FRMPD4: variants seen among roughly 807,000 people sequenced by gnomAD.
FRMPD4 encodes the protein FERM and PDZ domain containing 4, also known as FERM and PDZ domain-containing protein 4.
A neutral mutation model predicts 94.1 loss-of-function variants in FRMPD4; 22 were observed. That is an observed-to-expected ratio of 0.23 (90% CI 0.17 to 0.33). FRMPD4 has a LOEUF of 0.33. Among genes scored for constraint, FRMPD4 ranks in the 10% least tolerant of loss-of-function variants. The pLI, the probability that FRMPD4 is intolerant of heterozygous loss-of-function variation, is 1.00. For missense variants in FRMPD4, 1,111 were observed against 1,339.9 expected (o/e 0.83, Z 2.67); for synonymous variants, 631 against 548.6 (o/e 1.15, Z -2.10).
At chrX:12,113,763 G>A (rs1212296236) in intron 3 of FRMPD4, among the ~76,000 whole-genome samples, 1 of 112,017 alleles carries the variant, frequency 8.9e-6, no homozygotes, top group African/African-American at 3.2e-5. Context: ...GCAGAAGGGG[G>A]CATTATTCTG....
chrX:12,502,713 G>C (rs1490247224), intron 2 of FRMPD4, among the ~76,000 whole-genome samples: 3 of 111,928 alleles, frequency 2.7e-5, no homozygotes, highest in Admixed American at 1.9e-4. Flanking sequence ...AGACATTGAC[G>C]TAAGTATTAA....
intron 4 of FRMPD4, among the ~76,000 whole-genome samples, chrX:12,653,733 TAA>T (rs35537156): frequency 2.7e-4 from 25 of 93,432 alleles, no homozygotes; most frequent in East Asian, 9.8e-4. Flanking sequence ...TATGACTTAC[TAA>T]AAAAAAAAAA....
intron 1 of FRMPD4, among the ~76,000 whole-genome samples, chrX:12,485,179 G>A (rs1467676356): frequency 8.9e-6 from 1 of 112,534 alleles, no homozygotes; most frequent in East Asian, 2.8e-4. Context: ...CCTTTGTGAA[G>A]GAAGTAGTAC....
chrX:12,537,904 A>G (rs2058358620), intron 2 of FRMPD4, among the ~76,000 whole-genome samples: 2 of 111,623 alleles, frequency 1.8e-5, no homozygotes, highest in African/African-American at 6.5e-5. Context: ...CCGAATAGGA[A>G]CAGGTCCAGC....
At chrX:11,898,589 A>G (rs1051716961) in intron 3 of FRMPD4, among the ~76,000 whole-genome samples, 1 of 111,922 alleles carries the variant, frequency 8.9e-6, no homozygotes, top group Non-Finnish European at 1.9e-5. Flanking sequence ...AATTAGTTTG[A>G]TTTACTCATT....
chrX:12,559,543 G>T (rs1452918049), intron 2 of FRMPD4, among the ~76,000 whole-genome samples: 2 of 109,396 alleles, frequency 1.8e-5, no homozygotes, highest in South Asian at 4.0e-4. Context: ...CCATCCACTC[G>T]GGAGGCTGAG....
At chrX:12,465,273 C>G (rs544333479) in intron 1 of FRMPD4, among the ~76,000 whole-genome samples, 4 of 111,976 alleles carry the variant, frequency 3.6e-5, no homozygotes, top group African/African-American at 1.3e-4. Context: ...GTGCTCATTT[C>G]TTTGTCAGAA....
chrX:11,960,288 GA>G (rs1423627275), intron 3 of FRMPD4, among the ~76,000 whole-genome samples: 1 of 111,984 alleles, frequency 8.9e-6, no homozygotes, highest in Non-Finnish European at 1.9e-5. Flanking sequence ...TTTAAAGGCT[GA>G]AAAATAAGTC....
At chrX:11,857,239 C>T (rs1254935026) in intron 1 of FRMPD4, among the ~76,000 whole-genome samples, 1 of 111,005 alleles carries the variant, frequency 9.0e-6, no homozygotes, top group South Asian at 3.8e-4. Flanking sequence ...AAAAGGAGCC[C>T]GAATAGCCAA....
intron 3 of FRMPD4, among the ~76,000 whole-genome samples, chrX:12,110,077 A>G (rs1053404890): frequency 2.3e-4 from 26 of 112,407 alleles, no homozygotes; most frequent in Admixed American, 1.8e-3. Context: ...TTATGAGGCC[A>G]GGATCATCCT....
intron 3 of FRMPD4, among the ~76,000 whole-genome samples, chrX:12,038,845 C>T (rs66495331): frequency 0.15 from 16,312 of 110,984 alleles, 1,248 homozygotes; most frequent in African/African-American, 0.28. Flanking sequence ...TGTCATATGG[C>T]CTAGAAATTT....
At position 12,427,821 on chromosome X, in the gene FRMPD4, G is replaced by A. The variant is rs780616536; in HGVS notation, c.42-70859G>A. 1.3e-4 allele frequency among the ~76,000 whole-genome samples: 14 copies of A among 104,873 alleles called. No individual in the cohort carries two copies. The Admixed American group carries it at 1.4e-3, about 11-fold the overall frequency. 91.1% of individuals were successfully genotyped at this position (104,873 alleles called of 115,157 possible). A position where few individuals can be genotyped will look rare whatever the true frequency, so the allele number is the denominator to read the frequency against. ...AAAATAACGCATAAGTCACTTTTTT[G>A]ATTCATCCGATTTTAGACAGTATCG... On this transcript the variant is annotated intron_variant, in intron 1 of 16. Coordinates refer to ENST00000675598, the MANE Select transcript of FRMPD4 (RefSeq NM_001368397.1).
intron 2 of FRMPD4, among the ~76,000 whole-genome samples, chrX:12,560,800 C>T (rs1378118517): frequency 2.5e-4 from 17 of 68,959 alleles, no homozygotes; most frequent in African/African-American, 8.2e-4. Flanking sequence ...GACGGAGTCT[C>T]GCTCTGTCGC....
At chrX:12,576,931 G>A (rs1325678073) in intron 2 of FRMPD4, among the ~76,000 whole-genome samples, 1 of 112,011 alleles carries the variant, frequency 8.9e-6, no homozygotes, top group Non-Finnish European at 1.9e-5. Context: ...ACTGGTCAGA[G>A]GTCTTTGAGG....
At chrX:12,011,531 T>G (rs996250864) in intron 3 of FRMPD4, among the ~76,000 whole-genome samples, 8 of 112,267 alleles carry the variant, frequency 7.1e-5, no homozygotes, top group Non-Finnish European at 1.5e-4. Context: ...CACAGAAATT[T>G]CTATTGGACC....
At chrX:12,195,878 G>A (rs2056561387) in intron 1 of FRMPD4, among the ~76,000 whole-genome samples, 1 of 111,653 alleles carries the variant, frequency 9.0e-6, no homozygotes, top group Admixed American at 9.5e-5. Flanking sequence ...CATGAGGGCA[G>A]AAGTCATAGG....
intron 2 of FRMPD4, among the ~76,000 whole-genome samples, chrX:12,595,311 C>T (rs2059021323): frequency 9.0e-6 from 1 of 111,563 alleles, no homozygotes; most frequent in African/African-American, 3.3e-5. Flanking sequence ...GCTTGTGTGG[C>T]CCAGAAAGTA....
At chrX:11,879,927 G>T (rs1808172406) in intron 3 of FRMPD4, among the ~76,000 whole-genome samples, 1 of 112,467 alleles carries the variant, frequency 8.9e-6, no homozygotes, top group African/African-American at 3.2e-5. Context: ...AGGTTTCCCA[G>T]ACTGGGGGTC....
At chrX:11,909,028 A>G (rs1014785862) in intron 3 of FRMPD4, among the ~76,000 whole-genome samples, 3 of 111,860 alleles carry the variant, frequency 2.7e-5, no homozygotes, top group Non-Finnish European at 5.6e-5. Context: ...TTCTTATAAT[A>G]TCTTTTTCTT....
Sources: allele counts gnomAD v4.1 joint callset (sites outside exome capture counted in the v4.1 genomes callset), GRCh38; gene constraint gnomAD v4.1.1; transcripts MANE v1.5; gene names NCBI Gene and HGNC (gene_info 2026-07-23, HGNC 2026-07-21).